DOCK9: variants seen among roughly 807,000 people sequenced by gnomAD.
The protein encoded by DOCK9 is dedicator of cytokinesis protein 9.
In DOCK9, 89 loss-of-function variants were observed where a neutral mutation model predicts 263.3. The observed-to-expected ratio is 0.34, with a 90% confidence interval of 0.28 to 0.40. The LOEUF is 0.40. Among genes scored for constraint, DOCK9 ranks in the 10% least tolerant of loss-of-function variants. DOCK9 has a pLI of 1.00. For missense variants in DOCK9, 2,140 were observed against 2,603.4 expected (o/e 0.82, Z 3.87); for synonymous variants, 976 against 973.1 (o/e 1.00, Z -0.06).
In DOCK9 at chr13:98,829,260, C is replaced by T; in HGVS notation, c.4965+47G>A. ...CTGGCTTTTTAAGTGAATGGGGCCTCACTGGTTTTTTCAAAAACCCATTCA... is the reference window on the plus strand; with the variant it reads ...CTGGCTTTTTAAGTGAATGGGGCCTTACTGGTTTTTTCAAAAACCCATTCA... On this transcript the variant is annotated intron_variant, in intron 43 of 52. Coordinates refer to ENST00000682017, the MANE Select transcript of DOCK9 (RefSeq NM_001366683.2). The surrounding 1 kb of genome is among the most constrained non-coding windows in gnomAD (Gnocchi z 4.1). The T allele has an allele frequency of 1.3e-6, 2 of 1,536,508 alleles. No homozygotes were observed. Among genetic ancestry groups the T allele is most frequent in the Non-Finnish European group, 1.8e-6 (2 of 1,130,102 alleles).
intron 1 of DOCK9, among the ~76,000 whole-genome samples, chr13:99,081,259 G>A (rs538366649): frequency 5.7e-4 from 87 of 152,314 alleles, no homozygotes; most frequent in Middle Eastern, 6.8e-3. Context: ...GGGGTCTCAC[G>A]TTACCTCCGA....
At chr13:98,862,427 G>A (rs982077141) in intron 32 of DOCK9, among the ~76,000 whole-genome samples, 2 of 152,162 alleles carry the variant, frequency 1.3e-5, no homozygotes, top group African/African-American at 4.8e-5. Context: ...GGTGGCTCAC[G>A]TCTGTAATCC....
intron 30 of DOCK9, among the ~76,000 whole-genome samples, chr13:98,864,829 T>A (rs1566768064): frequency 6.6e-6 from 1 of 152,116 alleles, no homozygotes; most frequent in South Asian, 2.1e-4. Flanking sequence ...CTTGGTGCCC[T>A]CCTTGCCATA....
intron 9 of DOCK9, among the ~76,000 whole-genome samples, chr13:98,912,823 T>C (rs1253939379): frequency 6.6e-6 from 1 of 152,190 alleles, no homozygotes; most frequent in East Asian, 1.9e-4. Flanking sequence ...AGAAGGTTAC[T>C]TTCTGAATTC....
intron 1 of DOCK9, among the ~76,000 whole-genome samples, chr13:99,071,001 G>A (rs2041644844): frequency 2.6e-5 from 4 of 151,944 alleles, no homozygotes; most frequent in East Asian, 1.9e-4. Flanking sequence ...CTTGAACAAC[G>A]CAGGAGCTAG....
At chr13:98,900,785 A>G (rs1224380077) in intron 13 of DOCK9, among the ~76,000 whole-genome samples, 1 of 152,230 alleles carries the variant, frequency 6.6e-6, no homozygotes, top group African/African-American at 2.4e-5. Context: ...TGCAGCACCC[A>G]GGTCTTCTGA....
At chr13:98,948,588 G>A (rs1436816544) in intron 2 of DOCK9, among the ~76,000 whole-genome samples, 1 of 152,110 alleles carries the variant, frequency 6.6e-6, no homozygotes, top group Non-Finnish European at 1.5e-5. Flanking sequence ...CCATTTTTAA[G>A]TGTACAGTTC....
At chr13:98,856,305 T>A (rs1691081603) in intron 33 of DOCK9, 1 of 274,664 alleles carries the variant, frequency 3.6e-6, no homozygotes, top group African/African-American at 2.2e-5. Context: ...TGTTTCAGAA[T>A]GTGATAGAAT....
chr13:99,046,485 C>T (rs1448233626), intron 1 of DOCK9, among the ~76,000 whole-genome samples: 9 of 152,168 alleles, frequency 5.9e-5, no homozygotes, highest in South Asian at 2.1e-4. Context: ...TCCTTAGCTG[C>T]GCTCCGGAAA....
rs534502801 is a variant in DOCK9, at chr13:98,908,511, G to A, written c.961-3805C>T. Among the ~76,000 whole-genome samples the A allele has an allele frequency of 2.0e-5, 3 of 152,276 alleles. No homozygotes were observed. The East Asian group carries it at 5.8e-4, about 29-fold the overall frequency. On this transcript the variant is annotated intron_variant, in intron 9 of 52. Coordinates refer to ENST00000682017, the MANE Select transcript of DOCK9 (RefSeq NM_001366683.2). ...AGATGGCTGAATAAACTGTGCAGTA[G>A]CAATAGTTGAAATATCATGCAGCTT...
intron 1 of DOCK9, among the ~76,000 whole-genome samples, chr13:99,028,460 T>G (rs1392773694): frequency 1.3e-5 from 2 of 151,548 alleles, no homozygotes; most frequent in Non-Finnish European, 2.9e-5. Context: ...CCTGGCTGAG[T>G]GCAAAAGAAA....
intron 2 of DOCK9, among the ~76,000 whole-genome samples, chr13:98,951,929 C>CTTTTTTT (rs1555423106): frequency 1.1e-5 from 1 of 94,138 alleles, no homozygotes. Flanking sequence ...TGGAGTTTTC[C>CTTTTTTT]TCTTGTCCCC....
At chr13:99,025,816 G>A (rs1051821963) in intron 1 of DOCK9, among the ~76,000 whole-genome samples, 1 of 152,190 alleles carries the variant, frequency 6.6e-6, no homozygotes, top group South Asian at 2.1e-4. Flanking sequence ...ATTGATAAAT[G>A]GATAAACAAC....
intron 1 of DOCK9, among the ~76,000 whole-genome samples, chr13:99,060,438 T>C (rs2041137700): frequency 6.6e-6 from 1 of 152,160 alleles, no homozygotes; most frequent in Non-Finnish European, 1.5e-5. Context: ...AGTACACATT[T>C]TTATGTGAAC....
intron 52 of DOCK9, among the ~76,000 whole-genome samples, chr13:98,795,915 A>G (rs12876855): frequency 0.42 from 63,119 of 151,684 alleles, 13,577 homozygotes; most frequent in East Asian, 0.62. Flanking sequence ...GTGCCACTAC[A>G]CCCAGCTAAT....
chr13:98,873,711 A>AG (rs1308450850), intron 27 of DOCK9, among the ~76,000 whole-genome samples: 1 of 152,222 alleles, frequency 6.6e-6, no homozygotes, highest in Non-Finnish European at 1.5e-5. Flanking sequence ...AACAAGATGG[A>AG]GGCCTCTCAT....
intron 1 of DOCK9, among the ~76,000 whole-genome samples, chr13:98,975,519 G>T (rs1161085458): frequency 1.4e-5 from 2 of 142,518 alleles, no homozygotes; most frequent in Admixed American, 1.4e-4. Flanking sequence ...AAGTTATACT[G>T]TTCTAGGCAC....
chr13:98,831,118 T>TATTG (rs1246503159), intron 41 of DOCK9, among the ~76,000 whole-genome samples: 1 of 152,218 alleles, frequency 6.6e-6, no homozygotes, highest in Non-Finnish European at 1.5e-5. Flanking sequence ...GTCAGTCCAA[T>TATTG]ATTGATTCAA....
intron 27 of DOCK9, among the ~76,000 whole-genome samples, chr13:98,879,115 G>A (rs2044327345): frequency 6.6e-6 from 1 of 152,208 alleles, no homozygotes. Flanking sequence ...AAATGAGAAA[G>A]TGACACTGCC....
Sources: allele counts gnomAD v4.1 joint callset (sites outside exome capture counted in the v4.1 genomes callset), GRCh38; gene constraint gnomAD v4.1.1; non-coding constraint Gnocchi (gnomAD v3.1); transcripts MANE v1.5; gene names NCBI Gene and HGNC (gene_info 2026-07-23, HGNC 2026-07-21).